PTPRT: variants seen among roughly 807,000 people sequenced by gnomAD.
PTPRT encodes the protein protein tyrosine phosphatase receptor type T.
A neutral mutation model predicts 176.8 loss-of-function variants in PTPRT; 56 were observed. That is an observed-to-expected ratio of 0.32 (90% confidence interval 0.26 to 0.40). PTPRT has a LOEUF of 0.40. Ranked by LOEUF, PTPRT falls within the 10% of genes least tolerant of loss-of-function variation. The pLI, the probability that PTPRT is intolerant of heterozygous loss-of-function variation, is 1.00. For synonymous variants in PTPRT, 783 were observed against 739.0 expected (o/e 1.06, Z -0.96); for missense variants, 1,540 against 1,908.2 (o/e 0.81, Z 3.60).
At chr20:42,265,099 A>G (rs1401423440) in intron 13 of PTPRT, among the ~76,000 whole-genome samples, 1 of 152,216 alleles carries the variant, frequency 6.6e-6, no homozygotes, top group Non-Finnish European at 1.5e-5. Flanking sequence ...GGTCATTTTT[A>G]GTATTTCCAT....
At chr20:42,149,313 G>A (rs1174709369) in intron 17 of PTPRT, among the ~76,000 whole-genome samples, 1 of 152,156 alleles carries the variant, frequency 6.6e-6, no homozygotes, top group African/African-American at 2.4e-5. Context: ...AGAGGAGGAT[G>A]ACAAATAATG....
At chr20:42,715,620 T>C (rs1393328126) in intron 6 of PTPRT, among the ~76,000 whole-genome samples, 5 of 152,114 alleles carry the variant, frequency 3.3e-5, no homozygotes, top group Admixed American at 1.3e-4. Context: ...AATGGATACA[T>C]ATACACAAAT....
intron 2 of PTPRT, among the ~76,000 whole-genome samples, chr20:42,835,048 A>G (rs2078157848): frequency 6.6e-6 from 1 of 152,176 alleles, no homozygotes; most frequent in Non-Finnish European, 1.5e-5. Flanking sequence ...ACCCCACACA[A>G]AAAAAGAACT....
chr20:43,154,251 C>T (rs184050342), intron 1 of PTPRT, among the ~76,000 whole-genome samples: 1 of 152,288 alleles, frequency 6.6e-6, no homozygotes, highest in African/African-American at 2.4e-5. Context: ...TATCCACTTT[C>T]CCGAATACCA....
intron 24 of PTPRT, among the ~76,000 whole-genome samples, chr20:42,105,097 G>T (rs1370749685): frequency 6.6e-6 from 1 of 152,196 alleles, no homozygotes; most frequent in Non-Finnish European, 1.5e-5. Flanking sequence ...CTTGGGCTGT[G>T]TGGAAAGGAA....
At chr20:42,217,194 C>T (rs1008962505) in intron 15 of PTPRT, among the ~76,000 whole-genome samples, 11 of 151,968 alleles carry the variant, frequency 7.2e-5, no homozygotes, top group Non-Finnish European at 7.4e-5. Context: ...GCCAACATGG[C>T]GAAATCCCGT....
At chr20:42,871,606 G>GT (rs1412412860) in intron 2 of PTPRT, among the ~76,000 whole-genome samples, 1 of 152,164 alleles carries the variant, frequency 6.6e-6, no homozygotes, top group African/African-American at 2.4e-5. Flanking sequence ...GGGTTTTACA[G>GT]TTTTCACTCT....
At chr20:42,268,778 G>C (rs150613269) in intron 13 of PTPRT, among the ~76,000 whole-genome samples, 57 of 152,316 alleles carry the variant, frequency 3.7e-4, no homozygotes, top group Non-Finnish European at 7.3e-4. Context: ...CTGGAGTACA[G>C]GTGTCCATGG....
chr20:42,843,705 C>A (rs1420956261), intron 2 of PTPRT, among the ~76,000 whole-genome samples: 1 of 152,222 alleles, frequency 6.6e-6, no homozygotes, highest in Non-Finnish European at 1.5e-5. Flanking sequence ...GTAGCTTTGG[C>A]TCCAAGGAGG....
At chr20:43,145,259 ATTTC>A (rs1448795196) in intron 1 of PTPRT, among the ~76,000 whole-genome samples, 1 of 152,186 alleles carries the variant, frequency 6.6e-6, no homozygotes, top group Non-Finnish European at 1.5e-5. Context: ...TTATTTACTT[ATTTC>A]TTTATTTATT....
At chr20:42,872,461 G>C (rs1168702456) in intron 2 of PTPRT, among the ~76,000 whole-genome samples, 2 of 152,204 alleles carry the variant, frequency 1.3e-5, no homozygotes, top group African/African-American at 4.8e-5. Flanking sequence ...GGCTCTCAGG[G>C]ATAGATTGTA....
intron 6 of PTPRT, among the ~76,000 whole-genome samples, chr20:42,708,970 G>A (rs1162981875): frequency 1.3e-5 from 2 of 152,214 alleles, no homozygotes; most frequent in African/African-American, 4.8e-5. Flanking sequence ...AGAATGGGCA[G>A]CAAGTGCTGC....
At chr20:42,979,187 T>C (rs999308494) in intron 1 of PTPRT, among the ~76,000 whole-genome samples, 1 of 152,224 alleles carries the variant, frequency 6.6e-6, no homozygotes, top group Admixed American at 6.5e-5. Flanking sequence ...TTATTGACTA[T>C]GGCAATTTTT....
chr20:43,011,035 A>G (rs990359025), intron 1 of PTPRT, among the ~76,000 whole-genome samples: 2 of 152,188 alleles, frequency 1.3e-5, no homozygotes, highest in Non-Finnish European at 1.5e-5. Flanking sequence ...AGTTAAGAAA[A>G]CGTGGGCCAT....
At chr20:43,179,698 T>A (rs2015201873) in intron 1 of PTPRT, among the ~76,000 whole-genome samples, 1 of 152,180 alleles carries the variant, frequency 6.6e-6, no homozygotes, top group Non-Finnish European at 1.5e-5. Context: ...CTAAGGCCTT[T>A]AAAGAGTGAA....
intron 1 of PTPRT, among the ~76,000 whole-genome samples, chr20:43,100,871 A>G (rs1217022468): frequency 2.6e-5 from 4 of 151,098 alleles, no homozygotes; most frequent in African/African-American, 9.9e-5. Flanking sequence ...AAACGTGTCT[A>G]TCACTCTTGT....
At chr20:42,163,716 G>T (rs1989707240) in intron 16 of PTPRT, among the ~76,000 whole-genome samples, 4 of 152,204 alleles carry the variant, frequency 2.6e-5, no homozygotes, top group African/African-American at 9.6e-5. Context: ...GAACAAGGAG[G>T]TTGATAAGGA....
chr20:42,662,833 C>G (rs80184014), intron 7 of PTPRT, among the ~76,000 whole-genome samples: 1 of 152,014 alleles, frequency 6.6e-6, no homozygotes, highest in African/African-American at 2.4e-5. Context: ...GATTCACTAA[C>G]TAATAAAAAT....
intron 18 of PTPRT, among the ~76,000 whole-genome samples, chr20:42,141,352 G>A (rs747498555): frequency 5.3e-5 from 8 of 152,198 alleles, no homozygotes; most frequent in Non-Finnish European, 1.2e-4. Flanking sequence ...CAGAGTTACT[G>A]GCTTCTTCTG....
Sources: gnomAD v4.1 joint callset for allele counts (sites outside exome capture counted in the v4.1 genomes callset) on GRCh38, gnomAD v4.1.1 for gene constraint, MANE v1.5 for transcripts, NCBI Gene and HGNC (gene_info 2026-07-23, HGNC 2026-07-21) for gene names.